The following FOXJ3 variants were observed in gnomAD, a reference collection of about 807,000 sequenced individuals.
The protein encoded by FOXJ3 is forkhead box J3, also known as forkhead box protein J3.
Under a neutral mutation model 76.1 loss-of-function variants are expected in FOXJ3, and 22 were observed. The ratio of observed to expected loss-of-function variants is 0.29; its 90% CI spans 0.21 to 0.41. The LOEUF is 0.41. FOXJ3 is among the 10% of genes least tolerant of loss of function. FOXJ3 has a pLI of 1.00. For missense variants in FOXJ3, 613 were observed against 762.1 expected, an observed-to-expected ratio of 0.80 and a Z score of 2.30; for synonymous variants, 269 against 261.2, an observed-to-expected ratio of 1.03 and a Z score of -0.29.
At chr1:42,214,706 A>G (rs1647031107) in intron 5 of FOXJ3, among the ~76,000 whole-genome samples, 1 of 152,234 alleles carries the variant, frequency 6.6e-6, no homozygotes, top group Non-Finnish European at 1.5e-5. Flanking sequence ...AAGATTAGGC[A>G]ATAGATGTGG....
intron 6 of FOXJ3, among the ~76,000 whole-genome samples, chr1:42,205,452 T>G (rs1048727895): frequency 4.6e-5 from 7 of 152,172 alleles, no homozygotes; most frequent in Admixed American, 4.6e-4. Context: ...TAATTAACAA[T>G]TCTGAAACAA....
At chr1:42,208,243 A>T (rs963699711) in intron 5 of FOXJ3, among the ~76,000 whole-genome samples, 1 of 152,228 alleles carries the variant, frequency 6.6e-6, no homozygotes, top group Non-Finnish European at 1.5e-5. Context: ...TATATCTGCT[A>T]CTGATGTCAA....
At chr1:42,249,232 G>T (rs959050836) in intron 4 of FOXJ3, among the ~76,000 whole-genome samples, 1 of 152,150 alleles carries the variant, frequency 6.6e-6, no homozygotes, top group African/African-American at 2.4e-5. Context: ...AAAATAGAAT[G>T]ATTATAAAGA....
At chr1:42,218,327 TTC>T (rs1392250823) in intron 5 of FOXJ3, among the ~76,000 whole-genome samples, 1 of 152,194 alleles carries the variant, frequency 6.6e-6, no homozygotes, top group Non-Finnish European at 1.5e-5. Flanking sequence ...TAGAAAAATG[TTC>T]TGTTTTCTAT....
intron 1 of FOXJ3, among the ~76,000 whole-genome samples, chr1:42,328,543 A>G (rs1356858767): frequency 6.6e-6 from 1 of 152,214 alleles, no homozygotes; most frequent in East Asian, 1.9e-4. Context: ...CTTTAGATTT[A>G]GGGTAAAAAT....
At chr1:42,191,156 T>C in intron 9 of FOXJ3, 147 bp downstream of exon 9, 2 of 714,192 alleles carry the variant, frequency 2.8e-6, no homozygotes, top group Non-Finnish European at 4.2e-6. Flanking sequence ...GGTCAGTCTA[T>C]GAATTAAATG....
At chr1:42,282,141 C>G (rs905280595) in intron 2 of FOXJ3, among the ~76,000 whole-genome samples, 26 of 151,072 alleles carry the variant, frequency 1.7e-4, no homozygotes, top group African/African-American at 6.3e-4. Context: ...TATACGAGAA[C>G]AGATGGTGGT....
At chr1:42,180,399 C>T (rs1009796231) in intron 12 of FOXJ3, among the ~76,000 whole-genome samples, 30 of 152,154 alleles carry the variant, frequency 2.0e-4, no homozygotes, top group African/African-American at 6.8e-4. Flanking sequence ...CCAGTTTGGC[C>T]ATGTGCTGTT....
At chr1:42,189,584 T>G in intron 9 of FOXJ3, 180 bp from the exon 10 acceptor site, 1 of 502,458 alleles carries the variant, frequency 2.0e-6, no homozygotes, top group Non-Finnish European at 3.6e-6. Context: ...CAGAAAGGTA[T>G]TATTTCTCTC....
At chr1:42,247,060 T>C (rs1649611831) in intron 4 of FOXJ3, among the ~76,000 whole-genome samples, 1 of 152,136 alleles carries the variant, frequency 6.6e-6, no homozygotes, top group African/African-American at 2.4e-5. Flanking sequence ...AGTTTATTAA[T>C]GGGTATAAAC....
intron 5 of FOXJ3, among the ~76,000 whole-genome samples, chr1:42,225,057 CAG>C (rs1557652347): frequency 6.7e-6 from 1 of 150,052 alleles, no homozygotes; most frequent in Non-Finnish European, 1.5e-5. Flanking sequence ...GCCTGGGTGA[CAG>C]AGTGAAATCC....
At chr1:42,316,123 G>A (rs955036060) in intron 1 of FOXJ3, among the ~76,000 whole-genome samples, 1 of 152,032 alleles carries the variant, frequency 6.6e-6, no homozygotes, top group Non-Finnish European at 1.5e-5. Context: ...ATTATCTGGG[G>A]GCATGGAGTG....
chr1:42,218,012 T>C (rs1647106392), intron 5 of FOXJ3, among the ~76,000 whole-genome samples: 1 of 152,190 alleles, frequency 6.6e-6, no homozygotes, highest in African/African-American at 2.4e-5. Flanking sequence ...ACATATATAT[T>C]GGAGACAACA....
chr1:42,186,612 A>G (rs1461174430), intron 11 of FOXJ3, among the ~76,000 whole-genome samples: 1 of 152,106 alleles, frequency 6.6e-6, no homozygotes, highest in African/African-American at 2.4e-5. Flanking sequence ...GAAGTTGAGG[A>G]ACAAAGGGCT....
chr1:42,267,414 A>C (rs546387767), intron 3 of FOXJ3, among the ~76,000 whole-genome samples: 1 of 152,178 alleles, frequency 6.6e-6, no homozygotes, highest in East Asian at 1.9e-4. Context: ...CTGAAGATAA[A>C]GACATAAATT....
chr1:42,295,275 A>G (rs1245357794), intron 2 of FOXJ3, among the ~76,000 whole-genome samples: 1 of 151,848 alleles, frequency 6.6e-6, no homozygotes, highest in Non-Finnish European at 1.5e-5. Context: ...ATGCATACCT[A>G]TTATTTAGCT....
In FOXJ3 at chr1:42,241,461, C is replaced by G. The variant is rs150086860; in HGVS notation, c.445-13495G>C. Among the ~76,000 whole-genome samples, 201 of 152,350 alleles carry G rather than the reference C, an allele frequency of 1.3e-3. 1 individual carries two copies. Among genetic ancestry groups the G allele is most frequent in the African/African-American group, 4.6e-3 (190 of 41,598 alleles). ...CAAGTACACCTAAGGACAAGCCACT[C>G]TGGCTGGAAACTTCCCCTCCAAGTG... On this transcript the variant is annotated intron_variant, in intron 4 of 12. Transcript: ENST00000361346.
intron 1 of FOXJ3, among the ~76,000 whole-genome samples, chr1:42,331,536 T>C (rs1656164920): frequency 6.6e-6 from 1 of 152,074 alleles, no homozygotes; most frequent in African/African-American, 2.4e-5. Flanking sequence ...CCTTGAAACA[T>C]ATGCAAGTGA....
chr1:42,291,083 T>A (rs12069316), intron 2 of FOXJ3, among the ~76,000 whole-genome samples: 2 of 126,390 alleles, frequency 1.6e-5, no homozygotes. Flanking sequence ...GATAGATAGA[T>A]AGACAGACAG....
Sources: gnomAD v4.1 joint callset for allele counts (sites outside exome capture counted in the v4.1 genomes callset) on GRCh38, gnomAD v4.1.1 for gene constraint, MANE v1.5 for transcripts, NCBI Gene and HGNC (gene_info 2026-07-23, HGNC 2026-07-21) for gene names.